CCDC102B: variants seen among roughly 807,000 people sequenced by gnomAD.
The protein encoded by CCDC102B is coiled-coil domain-containing protein 102B.
In CCDC102B, 75 loss-of-function variants were observed where a neutral mutation model predicts 57.4. The ratio of observed to expected loss-of-function variants is 1.31; its 90% CI spans 1.08 to 1.58. The LOEUF is 1.58. CCDC102B is among the 40% of genes most tolerant of loss of function. The pLI, the probability that CCDC102B is intolerant of heterozygous loss-of-function variation, is 0.00. For synonymous variants in CCDC102B, 206 were observed against 201.9 expected, an observed-to-expected ratio of 1.02 and a Z score of -0.17; for missense variants, 636 against 582.6, an observed-to-expected ratio of 1.09 and a Z score of -0.94.
intron 3 of CCDC102B, among the ~76,000 whole-genome samples, chr18:68,844,818 T>A (rs2037787709): frequency 6.6e-6 from 1 of 151,912 alleles, no homozygotes; most frequent in Non-Finnish European, 1.5e-5. Flanking sequence ...AACTTGGGTG[T>A]CCTCAGCTGG....
intron 1 of CCDC102B, among the ~76,000 whole-genome samples, chr18:68,716,048 G>T (rs2031954283): frequency 6.6e-6 from 1 of 152,004 alleles, no homozygotes; most frequent in South Asian, 2.1e-4. Context: ...CCCCCTTTGT[G>T]CATGCAGCAT....
chr18:68,922,239 TA>T (rs1332439472), intron 6 of CCDC102B, among the ~76,000 whole-genome samples: 2 of 152,198 alleles, frequency 1.3e-5, no homozygotes, highest in African/African-American at 2.4e-5. Context: ...TGTTGATGAC[TA>T]CATATCTTTC....
At chr18:68,946,975 A>C (rs1453682740) in intron 6 of CCDC102B, among the ~76,000 whole-genome samples, 2 of 151,984 alleles carry the variant, frequency 1.3e-5, no homozygotes, top group African/African-American at 4.8e-5. Flanking sequence ...AATACGTAAG[A>C]CACAGTATTC....
chr18:68,877,826 T>C (rs142846383), intron 5 of CCDC102B, among the ~76,000 whole-genome samples: 3 of 152,264 alleles, frequency 2.0e-5, no homozygotes, highest in Admixed American at 6.5e-5. Context: ...CTGGTTAATA[T>C]GAGTATGGCA....
chr18:68,747,889 G>A (rs529720723), intron 2 of CCDC102B, among the ~76,000 whole-genome samples: 1 of 152,134 alleles, frequency 6.6e-6, no homozygotes, highest in African/African-American at 2.4e-5. Context: ...CCAGCAATGG[G>A]ATTGCTGAAT....
chr18:68,933,879 C>T (rs2041760967), intron 6 of CCDC102B, among the ~76,000 whole-genome samples: 1 of 151,756 alleles, frequency 6.6e-6, no homozygotes, highest in African/African-American at 2.4e-5. Context: ...AAATCCATAA[C>T]AACGTGACTT....
intron 2 of CCDC102B, among the ~76,000 whole-genome samples, chr18:68,773,670 G>A (rs1031320776): frequency 6.6e-6 from 1 of 151,830 alleles, no homozygotes; most frequent in African/African-American, 2.4e-5. Flanking sequence ...AAAATGCAAA[G>A]TATATTATAT....
At chr18:68,950,148 A>C (rs748536627) in intron 6 of CCDC102B, among the ~76,000 whole-genome samples, 45 of 152,162 alleles carry the variant, frequency 3.0e-4, no homozygotes, top group Admixed American at 3.3e-4. Flanking sequence ...GAACTTGCTT[A>C]GGACCCTTGA....
At chr18:68,843,018 A>G (rs1040303947) in intron 3 of CCDC102B, among the ~76,000 whole-genome samples, 1 of 152,026 alleles carries the variant, frequency 6.6e-6, no homozygotes, top group African/African-American at 2.4e-5. Flanking sequence ...CTTGTTCTAT[A>G]ATTCTCCTGG....
chr18:69,012,073 C>A (rs73967760), intron 7 of CCDC102B, among the ~76,000 whole-genome samples: 1 of 151,922 alleles, frequency 6.6e-6, no homozygotes, highest in Non-Finnish European at 1.5e-5. Flanking sequence ...TCTTGGCAGG[C>A]GTTTCATCCT....
At chr18:68,883,918 A>G (rs2039783098) in intron 5 of CCDC102B, among the ~76,000 whole-genome samples, 1 of 152,194 alleles carries the variant, frequency 6.6e-6, no homozygotes, top group Non-Finnish European at 1.5e-5. Flanking sequence ...ACTCATTCTT[A>G]AATATAAATT....
chr18:68,884,483 A>G, intron 5 of CCDC102B, among the ~76,000 whole-genome samples: 1 of 151,948 alleles, frequency 6.6e-6, no homozygotes, highest in East Asian at 1.9e-4. Flanking sequence ...ATATAGAGAT[A>G]GAGAACAAAA....
At chr18:69,033,796 A>G (rs994601453) in intron 7 of CCDC102B, among the ~76,000 whole-genome samples, 2 of 151,840 alleles carry the variant, frequency 1.3e-5, no homozygotes, top group Admixed American at 1.3e-4. Flanking sequence ...TGGTTCCATC[A>G]TTTTACATTT....
At chr18:68,845,649 A>AT (rs1282857251) in intron 3 of CCDC102B, among the ~76,000 whole-genome samples, 2 of 151,838 alleles carry the variant, frequency 1.3e-5, no homozygotes, top group African/African-American at 4.8e-5. Flanking sequence ...ACAATTATCA[A>AT]TGACTCAGAC....
At chr18:68,765,351 AAG>A (rs1468397423) in intron 2 of CCDC102B, among the ~76,000 whole-genome samples, 8 of 145,794 alleles carry the variant, frequency 5.5e-5, no homozygotes, top group Non-Finnish European at 9.0e-5. Flanking sequence ...GAAAGAAAGA[AAG>A]AAAGAAAGAA....
intron 1 of CCDC102B, among the ~76,000 whole-genome samples, chr18:68,836,479 T>C (rs2037369850): frequency 6.6e-6 from 1 of 151,832 alleles, no homozygotes; most frequent in African/African-American, 2.4e-5. Context: ...ATACAAAAAA[T>C]TATCTGGGCG....
chr18:69,035,151 A>G (rs1359713415), intron 7 of CCDC102B, among the ~76,000 whole-genome samples: 28 of 152,054 alleles, frequency 1.8e-4, no homozygotes, highest in Admixed American at 1.8e-3. Context: ...TTACTAGTAT[A>G]CCATATTAGA....
intron 4 of CCDC102B, among the ~76,000 whole-genome samples, chr18:68,849,421 C>T (rs2038023833): frequency 1.3e-5 from 2 of 151,994 alleles, no homozygotes; most frequent in African/African-American, 4.8e-5. Flanking sequence ...ATTAATGTAT[C>T]TTATCGACTC....
At chr18:68,927,087 G>A (rs552437474) in intron 6 of CCDC102B, among the ~76,000 whole-genome samples, 2 of 151,898 alleles carry the variant, frequency 1.3e-5, no homozygotes, top group African/African-American at 4.8e-5. Flanking sequence ...TTGAGTCTGT[G>A]GTAAATGGAG....
Sources: gnomAD v4.1 joint callset for allele counts (sites outside exome capture counted in the v4.1 genomes callset) on GRCh38, gnomAD v4.1.1 for gene constraint, MANE v1.5 for transcripts, NCBI Gene and HGNC (gene_info 2026-07-23, HGNC 2026-07-21) for gene names.